The following ILRUN variants were observed in gnomAD, a reference collection of about 807,000 sequenced individuals.
ILRUN encodes protein ILRUN.
Under a neutral mutation model 33.8 loss-of-function variants are expected in ILRUN, and 3 were observed. The observed-to-expected ratio is 0.09, with a 90% CI of 0.04 to 0.23. The LOEUF (loss-of-function observed/expected upper bound fraction) is 0.23, where lower values mean the gene tolerates loss of function less well. Ranked by LOEUF, ILRUN falls within the 10% of genes least tolerant of loss-of-function variation. The probability of loss-of-function intolerance (pLI) is 1.00; values close to 1 mark genes in which losing one functional copy is unlikely to be tolerated. For synonymous variants in ILRUN, 124 were observed against 138.9 expected (o/e 0.89, Z 0.75); for missense variants, 210 against 375.1 (o/e 0.56, Z 3.64).
chr6:34,685,520 G>A (rs920336932), intron 1 of ILRUN: 46 of 151,868 alleles, frequency 3.0e-4, no homozygotes, highest in African/African-American at 6.3e-4. Context: ...TACTGATATC[G>A]AACTTAGTAC....
At position 34,601,034 on chromosome 6, in the gene ILRUN, T is replaced by C. The variant is rs536422464; in HGVS notation, c.861+5521A>G. On this transcript the variant is annotated intron_variant, in intron 4 of 4. Transcript: ENST00000374023. ...AGTGATAATAACAATACTTTTATCA[T>C]GGTACTGTTTGTGGACTACATGAAG... 3.3e-5 allele frequency among the ~76,000 whole-genome samples: 5 copies of C among 152,320 alleles called. No individual in the cohort carries two copies. In the South Asian group the frequency reaches 8.3e-4, roughly 25 times the overall value.
intron 4 of ILRUN, 82 bp downstream of exon 4, chr6:34,606,473 T>C: frequency 8.7e-7 from 1 of 1,142,980 alleles, no homozygotes; most frequent in East Asian, 2.4e-5. Flanking sequence ...AGCGGCAGTC[T>C]AGGATTCTAG....
intron 3 of ILRUN, among the ~76,000 whole-genome samples, chr6:34,618,482 T>C (rs1761944734): frequency 6.6e-6 from 1 of 152,194 alleles, no homozygotes; most frequent in African/African-American, 2.4e-5. Flanking sequence ...AATCCAGAAC[T>C]GACCCCTGTC....
chr6:34,661,993 C>T (rs1012884181), intron 1 of ILRUN, among the ~76,000 whole-genome samples: 5 of 151,776 alleles, frequency 3.3e-5, no homozygotes, highest in East Asian at 3.9e-4. Context: ...GGCGTGGTGG[C>T]GGGCGCCTGT....
chr6:34,696,708 C>T lies in ILRUN; in HGVS notation c.-105G>A. ...GGGCCGCTGCTAGCTAGCTTCGCGA[C>T]CCCGCTCCTTTGAGGTAGGCCCCGG... On this transcript the variant is annotated 5_prime_UTR_variant, in exon 1 of 5. Transcript: ENST00000374023. The T allele has an allele frequency of 1.6e-6, 2 of 1,289,262 alleles. No homozygotes were observed. Among genetic ancestry groups the T allele is most frequent in the Non-Finnish European group, 2.1e-6 (2 of 938,702 alleles). The allele number at this position is 1,289,262 out of a possible 1,614,324, so 79.9% of individuals were successfully genotyped here.
At chr6:34,631,100 C>T (rs1762235513) in intron 3 of ILRUN, among the ~76,000 whole-genome samples, 1 of 152,180 alleles carries the variant, frequency 6.6e-6, no homozygotes. Flanking sequence ...CCTAATAATT[C>T]CAACACGCCT....
At chr6:34,613,405 A>G (rs1190109190) in intron 3 of ILRUN, among the ~76,000 whole-genome samples, 1 of 152,238 alleles carries the variant, frequency 6.6e-6, no homozygotes, top group Non-Finnish European at 1.5e-5. Context: ...CATACATGTA[A>G]AAGCTAGCAT....
chr6:34,625,414 T>G (rs534114600), intron 3 of ILRUN, among the ~76,000 whole-genome samples: 23 of 152,218 alleles, frequency 1.5e-4, no homozygotes, highest in Non-Finnish European at 2.9e-4. Flanking sequence ...CATGGCCATC[T>G]GGACATCTCA....
At chr6:34,675,803 A>G (rs1026829238) in intron 1 of ILRUN, among the ~76,000 whole-genome samples, 1 of 152,234 alleles carries the variant, frequency 6.6e-6, no homozygotes, top group African/African-American at 2.4e-5. Context: ...AGGAAAATAC[A>G]CAAGTTATAG....
chr6:34,593,677 T>C (rs1283805175), intron 4 of ILRUN, among the ~76,000 whole-genome samples: 1 of 152,170 alleles, frequency 6.6e-6, no homozygotes, highest in Non-Finnish European at 1.5e-5. Flanking sequence ...TGTTGTTTAA[T>C]TGGAACAGAA....
At chr6:34,668,130 A>T (rs1228913848) in intron 1 of ILRUN, among the ~76,000 whole-genome samples, 1 of 152,230 alleles carries the variant, frequency 6.6e-6, no homozygotes, top group South Asian at 2.1e-4. Context: ...GGAAAAAAAA[A>T]GTATAAAAGC....
At chr6:34,676,347 C>CATGATTCT (rs528582116) in intron 1 of ILRUN, among the ~76,000 whole-genome samples, 62 of 151,550 alleles carry the variant, frequency 4.1e-4, no homozygotes, top group African/African-American at 1.3e-3. Context: ...TGCAGTGAGC[C>CATGATTCT]ATGATTCTAG....
chr6:34,694,392 T>C (rs2049101026), intron 1 of ILRUN, among the ~76,000 whole-genome samples: 1 of 152,150 alleles, frequency 6.6e-6, no homozygotes, highest in South Asian at 2.1e-4. Context: ...TATGCTGAAC[T>C]AGTGTAAACA....
Position 34,592,980 on chromosome 6 carries a change from G to A in ILRUN, c.862-2380C>T, listed in dbSNP as rs139311345. Among the ~76,000 whole-genome samples, 6 of 152,232 alleles carry A rather than the reference G, an allele frequency of 3.9e-5. No individual in the cohort carries two copies. The East Asian group carries it at 1.2e-3, about 29-fold the overall frequency. ...CTTGAGGTGAGGAGTTAGGAGATCA[G>A]TATGGGTAACACAGTGTGACTCCAT... On this transcript the variant is annotated intron_variant, in intron 4 of 4. Transcript: ENST00000374023. This position sits in a 1 kb window ranked among gnomAD's most constrained non-coding sequence, Gnocchi z 4.0.
At chr6:34,662,316 AAAAAG>A (rs1762906053) in intron 1 of ILRUN, among the ~76,000 whole-genome samples, 2 of 151,354 alleles carry the variant, frequency 1.3e-5, no homozygotes, top group Admixed American at 6.6e-5. Flanking sequence ...AAAAAAAAAA[AAAAAG>A]AAAAAGAAAA....
At chr6:34,626,696 A>G (rs895266433) in intron 3 of ILRUN, among the ~76,000 whole-genome samples, 1 of 152,164 alleles carries the variant, frequency 6.6e-6, no homozygotes, top group Non-Finnish European at 1.5e-5. Context: ...ATGTACAATG[A>G]CATGTATCCC....
intron 3 of ILRUN, among the ~76,000 whole-genome samples, chr6:34,637,892 TG>T (rs988794385): frequency 2.0e-5 from 3 of 151,726 alleles, no homozygotes; most frequent in Non-Finnish European, 2.9e-5. Context: ...TTGTTGTTGT[TG>T]TTGTTGTTGT....
intron 3 of ILRUN, among the ~76,000 whole-genome samples, chr6:34,639,678 T>C (rs1260150776): frequency 6.6e-6 from 1 of 152,172 alleles, no homozygotes; most frequent in Admixed American, 6.5e-5. Flanking sequence ...TTCCGGACCA[T>C]ATACTCCACC....
rs572320095 is a variant in ILRUN, at chr6:34,588,735, A to C, written c.*1830T>G. 1 of 153,294 alleles carries C rather than the reference A, an allele frequency of 6.5e-6. No individual in the cohort carries two copies. The highest frequency in any genetic ancestry group is 6.5e-5 in the Admixed American group (1 of 15,310). 9.5% of individuals were successfully genotyped at this position (153,294 alleles called of 1,614,324 possible). ...GCTTCTCAGCAGGCTGGCTCCAGCC[A>C]CCCCCAGGGCTTCTCCAGTGGAATA... is the stretch of plus-strand genomic sequence containing the variant. On this transcript the variant is annotated 3_prime_UTR_variant, in exon 5 of 5. Coordinates refer to ENST00000374023, the MANE Select transcript of ILRUN (RefSeq NM_024294.4).
Sources: allele counts gnomAD v4.1 joint callset (sites outside exome capture counted in the v4.1 genomes callset), GRCh38; gene constraint gnomAD v4.1.1; non-coding constraint Gnocchi (gnomAD v3.1); transcripts MANE v1.5; gene names NCBI Gene and HGNC (gene_info 2026-07-23, HGNC 2026-07-21).